Variants in SESN1 observed in about 807,000 individuals in gnomAD.
SESN1 encodes the protein sestrin 1.
In SESN1, 30 loss-of-function variants were observed where a neutral mutation model predicts 59.3. That is an observed-to-expected ratio of 0.51 (90% confidence interval 0.38 to 0.69). The LOEUF (loss-of-function observed/expected upper bound fraction) is 0.69, where lower values mean the gene tolerates loss of function less well. Ranked by LOEUF, SESN1 falls within the 30% of genes least tolerant of loss-of-function variation. The probability of loss-of-function intolerance (pLI) is 0.00; values close to 1 mark genes in which losing one functional copy is unlikely to be tolerated. For missense variants in SESN1, 566 were observed against 673.0 expected (o/e 0.84, Z 1.76); for synonymous variants, 197 against 219.9 (o/e 0.90, Z 0.92).
At chr6:109,092,401 T>G (rs1414644906) in intron 1 of SESN1, among the ~76,000 whole-genome samples, 2 of 152,258 alleles carry the variant, frequency 1.3e-5, no homozygotes, top group African/African-American at 2.4e-5. Context: ...AATCCTTTGA[T>G]ACTATGCTCC....
intron 1 of SESN1, among the ~76,000 whole-genome samples, chr6:109,025,303 C>A (rs1780074234): frequency 6.6e-6 from 1 of 151,842 alleles, no homozygotes; most frequent in African/African-American, 2.4e-5. Flanking sequence ...TCCCTTATTA[C>A]CTACCTGCTC....
intron 1 of SESN1, among the ~76,000 whole-genome samples, chr6:109,086,169 G>A (rs2114480013): frequency 6.6e-6 from 1 of 152,212 alleles, no homozygotes; most frequent in East Asian, 1.9e-4. Context: ...GACCAGTCTG[G>A]CCAACATGGT....
intron 1 of SESN1, among the ~76,000 whole-genome samples, chr6:109,051,611 C>T (rs1220704944): frequency 2.0e-5 from 3 of 152,078 alleles, no homozygotes; most frequent in African/African-American, 7.2e-5. Flanking sequence ...CACTGGTTTT[C>T]TTTTTTTCTG....
At chr6:108,992,696 G>T in intron 7 of SESN1, 91 bp downstream of exon 7, 1 of 799,788 alleles carries the variant, frequency 1.3e-6, no homozygotes, top group Non-Finnish European at 2.2e-6. Context: ...AAAGCACTTA[G>T]CATAGTTCTC....
At chr6:108,987,806 CTTTTT>C (rs3029194) in intron 9 of SESN1, among the ~76,000 whole-genome samples, 176 bp from the exon 10 acceptor site, 2 of 135,582 alleles carry the variant, frequency 1.5e-5, no homozygotes, top group Non-Finnish European at 3.1e-5. Flanking sequence ...CAGCAGCTAT[CTTTTT>C]TTTTTTTTTT....
chr6:109,062,154 A>T (rs770553813), intron 1 of SESN1, among the ~76,000 whole-genome samples: 14 of 152,312 alleles, frequency 9.2e-5, no homozygotes, highest in Non-Finnish European at 1.8e-4. Flanking sequence ...CCTCCCAGGT[A>T]GCTGGGACTA....
At chr6:109,028,920 G>A (rs1583278300) in intron 1 of SESN1, among the ~76,000 whole-genome samples, 2 of 152,314 alleles carry the variant, frequency 1.3e-5, no homozygotes, top group African/African-American at 4.8e-5. Flanking sequence ...ATGGTGACAT[G>A]AGAGCGGGTA....
chr6:109,045,650 C>A (rs1354030851), intron 1 of SESN1, among the ~76,000 whole-genome samples: 3 of 152,198 alleles, frequency 2.0e-5, no homozygotes, highest in African/African-American at 7.2e-5. Flanking sequence ...CCAGCTGAGG[C>A]ATTACTCTTC....
chr6:109,013,855 G>C (rs577530653), intron 1 of SESN1, among the ~76,000 whole-genome samples: 2 of 152,238 alleles, frequency 1.3e-5, no homozygotes, highest in African/African-American at 4.8e-5. Context: ...TACTAATTTT[G>C]TCTAGATTTT....
At chr6:109,015,975 C>A (rs1031228836) in intron 1 of SESN1, among the ~76,000 whole-genome samples, 1 of 152,030 alleles carries the variant, frequency 6.6e-6, no homozygotes, top group Admixed American at 6.6e-5. Context: ...ATTTTAAATA[C>A]GAGGAATTAG....
chr6:109,049,436 C>T (rs1780507356), intron 1 of SESN1, among the ~76,000 whole-genome samples: 1 of 151,900 alleles, frequency 6.6e-6, no homozygotes, highest in South Asian at 2.1e-4. Flanking sequence ...AAAATTATAG[C>T]TAGATAAGCA....
chr6:108,989,725 CGAG>C (rs1779323692), intron 8 of SESN1, among the ~76,000 whole-genome samples: 1 of 152,030 alleles, frequency 6.6e-6, no homozygotes. Flanking sequence ...GCAGGGGCTG[CGAG>C]GAGAAGGATG....
chr6:109,000,341 T>C, intron 4 of SESN1, 150 bp downstream of exon 4: 1 of 509,198 alleles, frequency 2.0e-6, no homozygotes, highest in Non-Finnish European at 3.3e-6. Context: ...ACAGAAATGC[T>C]GTAACAGAAG....
At chr6:108,988,768 T>C in intron 8 of SESN1, 81 bp from the exon 9 acceptor site, 9 of 1,110,620 alleles carry the variant, frequency 8.1e-6, no homozygotes, top group Non-Finnish European at 1.1e-5. Flanking sequence ...ACATCAATAG[T>C]TAATACTGTA....
chr6:109,064,599 G>A (rs1186809326), intron 1 of SESN1, among the ~76,000 whole-genome samples: 3 of 5,436 alleles, frequency 5.5e-4, no homozygotes, highest in South Asian at 6.9e-3. Context: ...AGAGGGGAGG[G>A]GAGGGGAGGG....
intron 1 of SESN1, among the ~76,000 whole-genome samples, chr6:109,034,868 T>C (rs1780229193): frequency 6.6e-6 from 1 of 152,242 alleles, no homozygotes; most frequent in Admixed American, 6.5e-5. Context: ...ATGGAGCTGC[T>C]AAACCAGTCC....
chr6:109,029,888 ATCTAATTACG>A (rs1349011117), intron 1 of SESN1, among the ~76,000 whole-genome samples: 4 of 152,108 alleles, frequency 2.6e-5, no homozygotes, highest in Non-Finnish European at 5.9e-5. Flanking sequence ...GTAAGTTTGT[ATCTAATTACG>A]TTATATTTTG....
intron 1 of SESN1, chr6:109,008,740 A>G: frequency 1.0e-6 from 1 of 978,476 alleles, no homozygotes; most frequent in Non-Finnish European, 1.2e-6. Context: ...AAAATGTTAC[A>G]ATTAAGTACC....
intron 1 of SESN1, among the ~76,000 whole-genome samples, chr6:109,056,315 G>A (rs1392575151): frequency 6.6e-6 from 1 of 152,110 alleles, no homozygotes. Context: ...GAGACAGGAG[G>A]ATAACCTGTG....
Sources: allele counts gnomAD v4.1 joint callset (sites outside exome capture counted in the v4.1 genomes callset), GRCh38; gene constraint gnomAD v4.1.1; transcripts MANE v1.5; gene names NCBI Gene and HGNC (gene_info 2026-07-23, HGNC 2026-07-21).